CHM: variants seen among roughly 807,000 people sequenced by gnomAD.
CHM encodes rab proteins geranylgeranyltransferase component A 1.
A neutral mutation model predicts 49.0 loss-of-function variants in CHM; 10 were observed. The observed-to-expected ratio is 0.20, with a 90% CI of 0.13 to 0.35. CHM has a LOEUF of 0.35. Among genes scored for constraint, CHM ranks in the 10% least tolerant of loss-of-function variants. CHM has a pLI of 1.00. For synonymous variants in CHM, 184 were observed against 167.5 expected (o/e 1.10, Z -0.76); for missense variants, 455 against 478.4 (o/e 0.95, Z 0.46).
chrX:85,898,394 C>T (rs981471333), intron 11 of CHM, among the ~76,000 whole-genome samples: 1 of 111,990 alleles, frequency 8.9e-6, no homozygotes, highest in Admixed American at 9.4e-5. Context: ...TTAGCCTCCC[C>T]AGCCTTTGCC....
intron 11 of CHM, among the ~76,000 whole-genome samples, chrX:85,895,912 C>T (rs904277778): frequency 4.6e-5 from 5 of 108,930 alleles, no homozygotes; most frequent in African/African-American, 1.3e-4. Context: ...TTGATTTCTA[C>T]GACTATCACC....
chrX:85,929,597 A>AT (rs1231468566), intron 8 of CHM, among the ~76,000 whole-genome samples: 2 of 112,394 alleles, frequency 1.8e-5, no homozygotes. Context: ...TACATTCAGT[A>AT]TATATTTACT....
chrX:85,980,747 A>G (rs1486891662), intron 3 of CHM, among the ~76,000 whole-genome samples: 1 of 111,258 alleles, frequency 9.0e-6, no homozygotes, highest in Non-Finnish European at 1.9e-5. Context: ...ATTTTTTTAA[A>G]TCTGTCTTAT....
At chrX:86,035,787 ATTTT>A (rs1172786407) in intron 1 of CHM, among the ~76,000 whole-genome samples, 2 of 76,793 alleles carry the variant, frequency 2.6e-5, no homozygotes. Context: ...AAAAGAGTTC[ATTTT>A]TTTTTTTTTT....
intron 5 of CHM, among the ~76,000 whole-genome samples, chrX:85,961,418 CAAAAAAAAA>C (rs1204463688): frequency 1.2e-4 from 3 of 24,360 alleles, no homozygotes; most frequent in African/African-American, 4.3e-4. Context: ...GACTCTGTCT[CAAAAAAAAA>C]AAAAAAAAAA....
chrX:85,913,184 T>C (rs1277377403), intron 8 of CHM, among the ~76,000 whole-genome samples: 2 of 102,336 alleles, frequency 2.0e-5, no homozygotes, highest in East Asian at 6.1e-4. Flanking sequence ...AGCATGGTGG[T>C]GCACACCTGT....
intron 8 of CHM, among the ~76,000 whole-genome samples, chrX:85,911,752 A>G (rs932014979): frequency 3.6e-5 from 4 of 111,661 alleles, no homozygotes; most frequent in African/African-American, 1.3e-4. Flanking sequence ...GAAAACTCCT[A>G]GATATTTTAC....
intron 11 of CHM, 67 bp downstream of exon 11, chrX:85,900,579 T>C (rs757770397): frequency 1.5e-6 from 1 of 657,135 alleles, no homozygotes; most frequent in African/African-American, 2.2e-5. Flanking sequence ...TAGTTCACCA[T>C]GTATATATAT....
intron 4 of CHM, among the ~76,000 whole-genome samples, chrX:85,965,576 T>C (rs1285740689): frequency 9.0e-6 from 1 of 110,661 alleles, no homozygotes; most frequent in East Asian, 2.8e-4. Context: ...TTGTTTCAAA[T>C]GCGAAACAAA....
intron 9 of CHM, among the ~76,000 whole-genome samples, chrX:85,901,893 G>A (rs1206766924): frequency 1.8e-5 from 2 of 111,424 alleles, no homozygotes; most frequent in African/African-American, 6.5e-5. Context: ...ACCCTCCATT[G>A]ACCTTCTTTC....
Position 85,863,470 on chromosome X carries a change from A to C in CHM, c.*1160T>G, listed in dbSNP as rs753635535. ...TGCAGGTTTACCTACCAGAAAAGGA[A>C]TAAAACAATTTATAGAGTGTTTTCC... is the stretch of plus-strand genomic sequence containing the variant. On this transcript the variant is annotated 3_prime_UTR_variant, in exon 15 of 15. Transcript: ENST00000357749. 3 of 112,169 alleles carry C rather than the reference A, an allele frequency of 2.7e-5. No homozygotes were observed. In the South Asian group the frequency reaches 1.1e-3, roughly 41 times the overall value. 9.2% of individuals were successfully genotyped at this position (112,169 alleles called of 1,213,427 possible).
At position 85,864,894 on chromosome X, in the gene CHM, TA is replaced by T. The variant is rs374903276; in HGVS notation, c.1771-74del. ...ATGTGTGTGCATTTCTGGCATTAAC[TA>T]AAAAAAAATAAGTGTTTTATCCTTA... On this transcript the variant is annotated intron_variant, in intron 14 of 14. Coordinates refer to ENST00000357749, the MANE Select transcript of CHM (RefSeq NM_000390.4). The T allele has an allele frequency of 4.0e-3, 3,820 of 961,337 alleles. 69 individuals are homozygous for T. In the African/African-American group the frequency reaches 0.053, roughly 13 times the overall value. The allele number at this position is 961,337 out of a possible 1,213,427, so 79.2% of individuals were successfully genotyped here.
At chrX:85,935,634 C>A (rs1928739262) in intron 8 of CHM, among the ~76,000 whole-genome samples, 1 of 112,119 alleles carries the variant, frequency 8.9e-6, no homozygotes, top group African/African-American at 3.2e-5. Context: ...ATCTCAACAA[C>A]ATAGAAAAGG....
chrX:85,866,469 C>T (rs867824129), intron 14 of CHM, among the ~76,000 whole-genome samples: 1 of 112,868 alleles, frequency 8.9e-6, no homozygotes, highest in East Asian at 2.8e-4. Flanking sequence ...CATGGAGAAC[C>T]TCTGCTAGGG....
At chrX:85,935,584 T>C (rs775846747) in intron 8 of CHM, among the ~76,000 whole-genome samples, 46 of 111,707 alleles carry the variant, frequency 4.1e-4, no homozygotes, top group African/African-American at 8.8e-4. Flanking sequence ...CTGAATACCA[T>C]AGACAAACGT....
chrX:85,894,834 T>C lies in CHM; in HGVS notation c.1414-550A>G, dbSNP rs1925713592. ...TATTTTGCTGTTTGAAATCAGACCATATTAAATCAATCTTGATTACTCATA... is the reference window on the plus strand; with the variant it reads ...TATTTTGCTGTTTGAAATCAGACCACATTAAATCAATCTTGATTACTCATA... On this transcript the variant is annotated intron_variant, in intron 11 of 14. Transcript: ENST00000357749. 3.6e-5 allele frequency among the ~76,000 whole-genome samples: 4 copies of C among 111,828 alleles called. No individual in the cohort carries two copies. In the South Asian group the frequency reaches 1.5e-3, roughly 41 times the overall value.
At chrX:85,958,620 T>A (rs1003912615) in intron 6 of CHM, among the ~76,000 whole-genome samples, 3 of 111,421 alleles carry the variant, frequency 2.7e-5, no homozygotes, top group Non-Finnish European at 5.7e-5. Flanking sequence ...TTGGGTATAG[T>A]AACTCTGGTG....
At chrX:86,021,099 T>C in intron 2 of CHM, among the ~76,000 whole-genome samples, 1 of 83,937 alleles carries the variant, frequency 1.2e-5, no homozygotes, top group African/African-American at 4.3e-5. Flanking sequence ...TATACACATA[T>C]ATATACGTAT....
At chrX:85,996,916 C>G (rs1932463746) in intron 2 of CHM, among the ~76,000 whole-genome samples, 2 of 111,562 alleles carry the variant, frequency 1.8e-5, no homozygotes, top group Admixed American at 9.5e-5. Flanking sequence ...AAGGATGCAA[C>G]CCTTTTGTCT....
Sources: allele counts gnomAD v4.1 joint callset (sites outside exome capture counted in the v4.1 genomes callset), GRCh38; gene constraint gnomAD v4.1.1; transcripts MANE v1.5; gene names NCBI Gene and HGNC (gene_info 2026-07-23, HGNC 2026-07-21).